The following PICALM variants were observed in gnomAD, a reference collection of about 807,000 sequenced individuals.
PICALM encodes the protein phosphatidylinositol binding clathrin assembly protein.
A neutral mutation model predicts 80.5 loss-of-function variants in PICALM; 40 were observed. The ratio of observed to expected loss-of-function variants is 0.50; its 90% confidence interval spans 0.39 to 0.65. The LOEUF (loss-of-function observed/expected upper bound fraction) is 0.65. Among genes scored for constraint, PICALM ranks in the 30% least tolerant of loss-of-function variants. PICALM has a pLI of 0.00. For synonymous variants in PICALM, 288 were observed against 260.3 expected, an observed-to-expected ratio of 1.11 and a Z score of -1.02; for missense variants, 676 against 778.9, an observed-to-expected ratio of 0.87 and a Z score of 1.57.
rs1196003866 is a variant in PICALM, at chr11:86,003,457, A to G, written c.808-6T>C. 1.4e-5 allele frequency: 21 copies of G among 1,542,464 alleles called. No individual in the cohort carries two copies. Among genetic ancestry groups the G allele is most frequent in the Non-Finnish European group, 1.9e-5 (21 of 1,129,174 alleles). On this transcript the variant is annotated splice_region_variant and splice_polypyrimidine_tract_variant and intron_variant, in intron 8 of 19. Coordinates refer to ENST00000393346, the MANE Select transcript of PICALM (RefSeq NM_007166.4). The stretch of plus-strand genomic sequence containing the variant: ...TCAAGAAGACTGCTAGGGGCCTGCA[A>G]TTGTACAAATATTAAGAATTTCATG...
In PICALM at chr11:86,045,519, C is replaced by CG. The variant is rs1394290691; in HGVS notation, c.131-13909_131-13908insC. On this transcript the variant is annotated intron_variant, in intron 1 of 19. Transcript: ENST00000393346. ...CATAGTGAGACCCTGTCTTGAAATTCAAAAAAAAAAAAAAAAAAAAAAAAA... is the reference window on the plus strand; with the variant it reads ...CATAGTGAGACCCTGTCTTGAAATTCGAAAAAAAAAAAAAAAAAAAAAAAAA... 4.8e-4 allele frequency among the ~76,000 whole-genome samples: 23 copies of CG among 47,802 alleles called. No homozygotes were observed. In the East Asian group the frequency reaches 0.014, roughly 29 times the overall value. The allele number at this position is 47,802 out of a possible 152,430, so 31.4% of individuals were successfully genotyped here. A position where few individuals can be genotyped will look rare whatever the true frequency, so the allele number is the denominator to read the frequency against.
At chr11:86,005,319 T>C (rs1033343928) in intron 8 of PICALM, among the ~76,000 whole-genome samples, 1 of 152,226 alleles carries the variant, frequency 6.6e-6, no homozygotes, top group East Asian at 1.9e-4. Context: ...AATATTAAAC[T>C]ACCAAGTTAT....
intron 4 of PICALM, among the ~76,000 whole-genome samples, chr11:86,018,395 A>C (rs2095513134): frequency 6.6e-6 from 1 of 152,226 alleles, no homozygotes; most frequent in Non-Finnish European, 1.5e-5. Flanking sequence ...ACTTTTATAA[A>C]GGATAATTTG....
intron 1 of PICALM, among the ~76,000 whole-genome samples, chr11:86,050,749 C>G (rs186636817): frequency 5.3e-5 from 8 of 152,136 alleles, no homozygotes; most frequent in African/African-American, 1.9e-4. Context: ...TCAGCTGATC[C>G]CCCAATATGA....
At chr11:86,008,865 G>A (rs2095330972) in intron 7 of PICALM, among the ~76,000 whole-genome samples, 1 of 150,356 alleles carries the variant, frequency 6.7e-6, no homozygotes, top group African/African-American at 2.5e-5. Flanking sequence ...CTAAGAGGCG[G>A]GAGGATAGCT....
chr11:86,054,692 C>A (rs1246775571), intron 1 of PICALM, among the ~76,000 whole-genome samples: 1 of 152,176 alleles, frequency 6.6e-6, no homozygotes, highest in Admixed American at 6.5e-5. Flanking sequence ...TATGCATTTA[C>A]CTTAATGTAT....
chr11:86,033,969 G>C (rs2095801282), intron 1 of PICALM, among the ~76,000 whole-genome samples: 1 of 152,084 alleles, frequency 6.6e-6, no homozygotes, highest in South Asian at 2.1e-4. Flanking sequence ...CAATACATGT[G>C]CAAATTTTCA....
chr11:85,975,843 C>T (rs946247986), intron 18 of PICALM, among the ~76,000 whole-genome samples: 15 of 152,086 alleles, frequency 9.9e-5, no homozygotes, highest in Non-Finnish European at 2.2e-4. Context: ...GTGATCCACC[C>T]ACCTTGGCCT....
chr11:86,017,933 G>A (rs2095505858), intron 4 of PICALM, among the ~76,000 whole-genome samples: 1 of 152,202 alleles, frequency 6.6e-6, no homozygotes, highest in African/African-American at 2.4e-5. Flanking sequence ...TACACAGAAA[G>A]AGAAATGCAG....
In PICALM at chr11:85,958,797, T is replaced by C. The variant is rs1017776673; in HGVS notation, c.*249A>G. The C allele has an allele frequency of 1.5e-5, 6 of 395,510 alleles. No individual in the cohort carries two copies. Among genetic ancestry groups the C allele is most frequent in the African/African-American group, 1.0e-4 (5 of 49,324 alleles). The allele number at this position is 395,510 out of a possible 1,614,324, so 24.5% of individuals were successfully genotyped here. ...ACAGGAGTTGAAAGAATTGAAGGGT[T>C]AGTCACCAAAAAGACAGATCTTAGT... On this transcript the variant is annotated 3_prime_UTR_variant, in exon 20 of 20. Coordinates refer to ENST00000393346, the MANE Select transcript of PICALM (RefSeq NM_007166.4).
chr11:86,002,840 C>T (rs909946822), intron 9 of PICALM, among the ~76,000 whole-genome samples: 4 of 152,160 alleles, frequency 2.6e-5, no homozygotes, highest in Non-Finnish European at 4.4e-5. Flanking sequence ...TGGTGAAACC[C>T]TGTCTCTACT....
rs17817576 is a variant in PICALM, at chr11:85,962,247, G to A, written c.1945-3187C>T. On this transcript the variant is annotated intron_variant, in intron 19 of 19. Transcript: ENST00000393346. Reference sequence around the variant, plus strand: ...ACGGACGGCCAATCAAAAGCACAACGATTTCAAGTAAAGTGATCCTCAGTT... The same window carrying A: ...ACGGACGGCCAATCAAAAGCACAACAATTTCAAGTAAAGTGATCCTCAGTT... Among the ~76,000 whole-genome samples the A allele has an allele frequency of 4.7e-3, 718 of 152,232 alleles. 3 individuals carry two copies. The Middle Eastern group carries it at 0.048, about 10-fold the overall frequency.
chr11:85,990,008 C>CAAAAAAAAAAAAAAAAAAAA (rs5793177), intron 13 of PICALM, among the ~76,000 whole-genome samples: 2 of 89,332 alleles, frequency 2.2e-5, no homozygotes, highest in Non-Finnish European at 4.2e-5. Flanking sequence ...AACCAAACAC[C>CAAAAAAAAAAAAAAAAAAAA]AAAAAAAAAA....
chr11:85,990,532 C>A (rs931296859), intron 12 of PICALM, 133 bp from the exon 13 acceptor site: 16 of 429,574 alleles, frequency 3.7e-5, no homozygotes, highest in Admixed American at 1.8e-4. Flanking sequence ...TCTAAATTAT[C>A]AAAAACAAAA....
At chr11:86,032,391 G>A (rs2095767969) in intron 1 of PICALM, among the ~76,000 whole-genome samples, 1 of 152,180 alleles carries the variant, frequency 6.6e-6, no homozygotes, top group African/African-American at 2.4e-5. Context: ...GAAACCTGAG[G>A]TGGGGTGGAT....
intron 4 of PICALM, among the ~76,000 whole-genome samples, chr11:86,017,003 C>G (rs1323869566): frequency 6.6e-6 from 1 of 152,176 alleles, no homozygotes; most frequent in East Asian, 1.9e-4. Context: ...GCGAGTGGAT[C>G]ACGAGGTCAG....
At chr11:85,965,820 T>TTTTTTG (rs2093870784) in intron 19 of PICALM, among the ~76,000 whole-genome samples, 1 of 107,202 alleles carries the variant, frequency 9.3e-6, no homozygotes, top group Non-Finnish European at 1.9e-5. Context: ...TTTTTGTTTT[T>TTTTTTG]TTTTTTTTTT....
intron 7 of PICALM, among the ~76,000 whole-genome samples, chr11:86,010,462 G>C (rs1359656095): frequency 6.6e-6 from 1 of 152,014 alleles, no homozygotes; most frequent in Non-Finnish European, 1.5e-5. Context: ...AAGTAGCTGG[G>C]ATTACAAGTG....
At chr11:86,041,045 C>T (rs976736529) in intron 1 of PICALM, among the ~76,000 whole-genome samples, 4 of 152,136 alleles carry the variant, frequency 2.6e-5, no homozygotes, top group African/African-American at 9.7e-5. Flanking sequence ...GTTTCAATTT[C>T]ATACTCTCTT....
Sources: gnomAD v4.1 joint callset for allele counts (sites outside exome capture counted in the v4.1 genomes callset) on GRCh38, gnomAD v4.1.1 for gene constraint, MANE v1.5 for transcripts, NCBI Gene and HGNC (gene_info 2026-07-23, HGNC 2026-07-21) for gene names.